BLOC1S3: variants seen among roughly 807,000 people sequenced by gnomAD.
The protein encoded by BLOC1S3 is biogenesis of lysosomal organelles complex 1 subunit 3.
In BLOC1S3, 7 loss-of-function variants were observed where a neutral mutation model predicts 9.1. The observed-to-expected ratio is 0.77, with a 90% confidence interval of 0.44 to 1.45. BLOC1S3 has a LOEUF of 1.45. BLOC1S3 is among the 40% of genes most tolerant of loss of function. The pLI is 0.01. For missense variants in BLOC1S3, 307 were observed against 315.2 expected, an observed-to-expected ratio of 0.97 and a Z score of 0.20; for synonymous variants, 145 against 158.4, an observed-to-expected ratio of 0.92 and a Z score of 0.64.
At chr19:45,186,186 G>A (rs537573558), downstream of BLOC1S3, among the ~76,000 whole-genome samples, 7 of 152,216 alleles carry the variant, frequency 4.6e-5, no homozygotes, top group South Asian at 1.5e-3. Context: ...GTCTGTCCTG[G>A]TCACTCTGTG....
At chr19:45,212,989 G>C in intron 3 of BLOC1S3, 1 of 1,380,228 alleles carries the variant, frequency 7.2e-7, no homozygotes, top group Non-Finnish European at 9.4e-7. Context: ...CCCAGGCAGG[G>C]AGTCAGGAGG....
At chr19:45,198,268 A>C (rs945491490) in intron 2 of BLOC1S3, among the ~76,000 whole-genome samples, 1 of 152,128 alleles carries the variant, frequency 6.6e-6, no homozygotes, top group East Asian at 1.9e-4. Flanking sequence ...ACTTAGAACC[A>C]TATGGGGAAG....
At position 45,179,284 on chromosome 19, in the gene BLOC1S3, C is replaced by T. The variant is rs1221246321; in HGVS notation, c.-9-4C>T. On this transcript the variant is annotated splice_polypyrimidine_tract_variant and splice_region_variant and intron_variant, in intron 1 of 1. Transcript: ENST00000433642. This position sits in a 1 kb window ranked among gnomAD's most constrained non-coding sequence, Gnocchi z 4.6. Reference sequence around the variant, plus strand: ...CGTGCAGTCCCTTCGCTCTTCTCCCCTAGTTCGGTGCCATGGCGTCCCAGG... The same window carrying T: ...CGTGCAGTCCCTTCGCTCTTCTCCCTTAGTTCGGTGCCATGGCGTCCCAGG... 1 of 1,573,724 alleles carries T rather than the reference C, an allele frequency of 6.4e-7. No homozygotes were observed. The highest frequency in any genetic ancestry group is 8.6e-7 in the Non-Finnish European group (1 of 1,168,960).
Position 45,179,623 on chromosome 19 carries a change from G to T in BLOC1S3, c.327G>T (p.Leu109=). ...CGCCCGCCCCCGCGCGCTCGCTCCT[G>T]CAACTTCGGCTGGCGGAGAGCCAGG... ...APAPAPARSL[L]QLRLAESQAR... The change falls in exon 2 of 2, where the codon CTG becomes CTT. Residue 109 remains leucine, a synonymous_variant. Transcript: ENST00000433642. The surrounding 1 kb of genome is among the most constrained non-coding windows in gnomAD (Gnocchi z 4.6). 1 of 1,474,746 alleles carries T rather than the reference G, an allele frequency of 6.8e-7. No individual in the cohort carries two copies. 91.4% of individuals were successfully genotyped at this position (1,474,746 alleles called of 1,614,324 possible). A position where few individuals can be genotyped will look rare whatever the true frequency, so the allele number is the denominator to read the frequency against.
chr19:45,213,241 G>A, intron 3 of BLOC1S3: 1 of 1,613,262 alleles, frequency 6.2e-7, no homozygotes, highest in Non-Finnish European at 8.5e-7. Context: ...GTCCCGAGGG[G>A]GTGACAGGGC....
chr19:45,206,769 C>T (rs991482906), intron 3 of BLOC1S3, among the ~76,000 whole-genome samples: 1 of 151,520 alleles, frequency 6.6e-6, no homozygotes, highest in Non-Finnish European at 1.5e-5. Context: ...CTGGATTAAT[C>T]AAGTAATTTT....
chr19:45,200,182 A>ATTT (rs4012970), intron 2 of BLOC1S3, among the ~76,000 whole-genome samples: 27,756 of 135,074 alleles, frequency 0.21, 3,908 homozygotes, highest in Non-Finnish European at 0.29. Context: ...TTTCTACTTA[A>ATTT]TTTTTTTTTT....
At chr19:45,210,283 T>C (rs896604015) in intron 3 of BLOC1S3, among the ~76,000 whole-genome samples, 7 of 149,420 alleles carry the variant, frequency 4.7e-5, no homozygotes, top group Non-Finnish European at 7.4e-5. Context: ...AAATTTACTA[T>C]TTTAACTTTT....
chr19:45,187,871 T>A (rs1033709294), intron 2 of BLOC1S3: 3 of 152,152 alleles, frequency 2.0e-5, no homozygotes, highest in African/African-American at 7.2e-5. Flanking sequence ...TTATTTTTTT[T>A]TAATTTTTTA....
downstream of BLOC1S3, among the ~76,000 whole-genome samples, chr19:45,183,481 A>G (rs1969542129): frequency 6.6e-6 from 1 of 151,504 alleles, no homozygotes; most frequent in African/African-American, 2.4e-5. Context: ...GTCTCAAAAA[A>G]AAAAAAAAGT....
chr19:45,205,910 C>T (rs981046447), intron 3 of BLOC1S3, among the ~76,000 whole-genome samples: 2 of 152,140 alleles, frequency 1.3e-5, no homozygotes, highest in African/African-American at 4.8e-5. Flanking sequence ...CATCCTCAGT[C>T]GTTAGAGAAA....
In BLOC1S3 at chr19:45,180,159, G is replaced by T. The variant is rs1398111549; in HGVS notation, c.*254G>T. The T allele has an allele frequency of 7.1e-6, 3 of 419,872 alleles. No homozygotes were observed. The highest frequency in any genetic ancestry group is 1.3e-5 in the Non-Finnish European group (3 of 230,484). The allele number at this position is 419,872 out of a possible 1,614,324, so 26.0% of individuals were successfully genotyped here. On this transcript the variant is annotated 3_prime_UTR_variant, in exon 2 of 2. Transcript: ENST00000433642. ...TCCTGACCCTGCCGCCTGGTTCTGA[G>T]CCTTCCCCTGGGGCTTGGCTCCAGC...
chr19:45,213,009 C>T lies in BLOC1S3; in HGVS notation n.283-3667C>T, dbSNP rs910273179. ...GCAGGGAGTCAGGAGGGGCGCCGTA[C>T]GGGAGGTTGGCTTGTCAGCAGCATA... On this transcript the variant is annotated intron_variant and non_coding_transcript_variant, in intron 3 of 3. Transcript: ENST00000591569. 62 of 1,420,568 alleles carry T rather than the reference C, an allele frequency of 4.4e-5. No individual in the cohort carries two copies. In the Admixed American group the frequency reaches 7.8e-4, roughly 18 times the overall value. The allele number at this position is 1,420,568 out of a possible 1,614,324, so 88.0% of individuals were successfully genotyped here. A position where few individuals can be genotyped will look rare whatever the true frequency, so the allele number is the denominator to read the frequency against.
In BLOC1S3 at chr19:45,179,995, C is replaced by T. The variant is rs1304448782; in HGVS notation, c.*90C>T. On this transcript the variant is annotated 3_prime_UTR_variant, in exon 2 of 2. Transcript: ENST00000433642. The surrounding 1 kb of genome is among the most constrained non-coding windows in gnomAD (Gnocchi z 4.6). The stretch of plus-strand genomic sequence containing the variant: ...CTCTGTCTCCTGTGTCTCTTATCAC[C>T]CCCCACCCCCGCTCCCATCTTGGTG... 1.4e-6 allele frequency: 2 copies of T among 1,453,362 alleles called. No individual in the cohort carries two copies. The highest frequency in any genetic ancestry group is 2.5e-5 in the South Asian group (2 of 78,508). 90.0% of individuals were successfully genotyped at this position (1,453,362 alleles called of 1,614,324 possible).
chr19:45,210,690 A>G (rs1227218581), intron 3 of BLOC1S3, among the ~76,000 whole-genome samples: 1 of 151,974 alleles, frequency 6.6e-6, no homozygotes, highest in East Asian at 1.9e-4. Flanking sequence ...TGCAACCTTG[A>G]ACACCTGGCT....
chr19:45,214,078 C>T (rs1314174643), intron 3 of BLOC1S3, among the ~76,000 whole-genome samples: 1 of 152,160 alleles, frequency 6.6e-6, no homozygotes, highest in Admixed American at 6.6e-5. Flanking sequence ...AACTTAGCTA[C>T]AGATTCAAGT....
At chr19:45,184,636 C>T (rs1221847407), downstream of BLOC1S3, among the ~76,000 whole-genome samples, 2 of 151,922 alleles carry the variant, frequency 1.3e-5, no homozygotes, top group Admixed American at 6.6e-5. Context: ...CGTGGTGGCT[C>T]ACGCCTGTAA....
At position 45,208,669 on chromosome 19, in the gene BLOC1S3, C is replaced by A. The variant is rs1290551015; in HGVS notation, n.282+6162C>A. On this transcript the variant is annotated intron_variant and non_coding_transcript_variant, in intron 3 of 3. Transcript: ENST00000591569. ...ACTTGGGAGGCTGAGGCAGGAGAAT[C>A]ACTTGAATCCAGGAGGCTGAGGTTG... Among the ~76,000 whole-genome samples, 7 of 151,788 alleles carry A rather than the reference C, an allele frequency of 4.6e-5. No individual in the cohort carries two copies. In the East Asian group the frequency reaches 1.4e-3, roughly 29 times the overall value.
rs1259443318 is a variant in BLOC1S3, at chr19:45,179,094, T to TA, written c.-9-193dup. 3.8e-6 allele frequency: 2 copies of TA among 533,194 alleles called. No individual in the cohort carries two copies. Among genetic ancestry groups the TA allele is most frequent in the Admixed American group, 4.1e-5 (1 of 24,340 alleles). 33.0% of individuals were successfully genotyped at this position (533,194 alleles called of 1,614,324 possible). A position where few individuals can be genotyped will look rare whatever the true frequency, so the allele number is the denominator to read the frequency against. Reference sequence around the variant, plus strand: ...AGCTGGTCTTCAGTTTCCCCATCTGTACGCTGAAGAGCCTGGGGTCCAGTA... The same window carrying TA: ...AGCTGGTCTTCAGTTTCCCCATCTGTAACGCTGAAGAGCCTGGGGTCCAGTA... On this transcript the variant is annotated intron_variant, in intron 1 of 1. Transcript: ENST00000433642. The surrounding 1 kb of genome is among the most constrained non-coding windows in gnomAD (Gnocchi z 4.6).
Sources: gnomAD v4.1 joint callset for allele counts (sites outside exome capture counted in the v4.1 genomes callset) on GRCh38, gnomAD v4.1.1 for gene constraint, Gnocchi (gnomAD v3.1) non-coding constraint, MANE v1.5 for transcripts, NCBI Gene and HGNC (gene_info 2026-07-23, HGNC 2026-07-21) for gene names.